Variants in TRIM14 observed in about 807,000 individuals in gnomAD.
TRIM14 encodes the protein tripartite motif containing 14, also known as tripartite motif-containing protein 14.
Under a neutral mutation model 44.5 loss-of-function variants are expected in TRIM14, and 28 were observed. That is an observed-to-expected ratio of 0.63 (90% confidence interval 0.47 to 0.86). TRIM14 has a LOEUF of 0.86. Ranked by LOEUF, TRIM14 falls within the 40% of genes least tolerant of loss-of-function variation. TRIM14 has a pLI of 0.00. For synonymous variants in TRIM14, 299 were observed against 269.2 expected, an observed-to-expected ratio of 1.11 and a Z score of -1.08; for missense variants, 607 against 611.1, an observed-to-expected ratio of 0.99 and a Z score of 0.07.
intron 2 of TRIM14, among the ~76,000 whole-genome samples, chr9:98,103,043 C>T (rs762957861): frequency 6.6e-5 from 10 of 151,852 alleles, no homozygotes; most frequent in South Asian, 2.1e-4. Context: ...AAAAATTAGC[C>T]GGGCGTGTGG....
chr9:98,106,504 G>C (rs1826616710), intron 2 of TRIM14, among the ~76,000 whole-genome samples: 3 of 152,208 alleles, frequency 2.0e-5, no homozygotes, highest in Non-Finnish European at 2.9e-5. Context: ...CAGGCATAGG[G>C]TGGCAATATC....
chr9:98,091,053 G>A (rs1825978039), intron 5 of TRIM14, among the ~76,000 whole-genome samples: 1 of 152,108 alleles, frequency 6.6e-6, no homozygotes, highest in Non-Finnish European at 1.5e-5. Flanking sequence ...TTTAGATTGA[G>A]TCTTTTTTAG....
chr9:98,098,487 G>A (rs559475327), intron 3 of TRIM14, among the ~76,000 whole-genome samples: 92 of 152,112 alleles, frequency 6.0e-4, no homozygotes, highest in African/African-American at 2.2e-3. Context: ...CGAGGGGGGC[G>A]GATCACGAGG....
chr9:98,092,766 C>T (rs944562540), intron 4 of TRIM14, among the ~76,000 whole-genome samples: 3 of 152,178 alleles, frequency 2.0e-5, no homozygotes, highest in African/African-American at 7.2e-5. Flanking sequence ...TCAAATTAGG[C>T]GAACGCCGAG....
the TRIM14 span, among the ~76,000 whole-genome samples, chr9:98,054,993 A>G: frequency 6.6e-6 from 1 of 152,220 alleles, no homozygotes; most frequent in African/African-American, 2.4e-5. Flanking sequence ...TTCCCCTAGC[A>G]TTCAGGGATC....
the TRIM14 span, among the ~76,000 whole-genome samples, chr9:98,053,950 T>C: frequency 6.6e-6 from 1 of 152,094 alleles, no homozygotes; most frequent in East Asian, 1.9e-4. Context: ...TGAAGCAAAA[T>C]ACACATAACA....
chr9:98,104,391 T>G (rs571742790), intron 2 of TRIM14, among the ~76,000 whole-genome samples: 21 of 152,050 alleles, frequency 1.4e-4, no homozygotes, highest in Non-Finnish European at 2.6e-4. Context: ...AAGTAGAAAA[T>G]ACAAAAGAAG....
At chr9:98,056,807 C>T in the TRIM14 span, 1 of 1,582,076 alleles carries the variant, frequency 6.3e-7, no homozygotes, top group Non-Finnish European at 8.6e-7. Flanking sequence ...CGAGCCGCTG[C>T]AATGCCGCTG....
At chr9:98,055,959 C>A in the TRIM14 span, among the ~76,000 whole-genome samples, 8 of 151,958 alleles carry the variant, frequency 5.3e-5, no homozygotes, top group Admixed American at 1.3e-4. Flanking sequence ...AGGCTGGTCT[C>A]GAACTCCTGA....
intron 6 of TRIM14, among the ~76,000 whole-genome samples, chr9:98,073,944 C>A (rs1829466788): frequency 6.6e-6 from 1 of 151,982 alleles, no homozygotes; most frequent in Non-Finnish European, 1.5e-5. Context: ...ACACCACACA[C>A]CCGGCTAATT....
chr9:98,064,056 T>C, the TRIM14 span, among the ~76,000 whole-genome samples: 1 of 152,210 alleles, frequency 6.6e-6, no homozygotes, highest in Non-Finnish European at 1.5e-5. Context: ...GTGTGTCGAC[T>C]GAGTTGAAAG....
intron 6 of TRIM14, chr9:98,076,981 A>G: frequency 1.2e-6 from 2 of 1,611,260 alleles, no homozygotes; most frequent in Non-Finnish European, 1.7e-6. Flanking sequence ...TGGAGACACT[A>G]ATAATTTTCC....
At chr9:98,103,730 C>T (rs998432312) in intron 2 of TRIM14, among the ~76,000 whole-genome samples, 7 of 148,538 alleles carry the variant, frequency 4.7e-5, no homozygotes, top group South Asian at 4.3e-4. Context: ...CCTGGCTACT[C>T]GGGAGGCTAA....
intron 2 of TRIM14, among the ~76,000 whole-genome samples, chr9:98,109,069 G>A (rs1826735923): frequency 6.6e-6 from 1 of 151,948 alleles, no homozygotes; most frequent in African/African-American, 2.4e-5. Context: ...TTTTAGTAGA[G>A]ATGGGAGTCT....
chr9:98,081,172 C>A, downstream of TRIM14: 3 of 1,521,974 alleles, frequency 2.0e-6, no homozygotes, highest in Non-Finnish European at 2.7e-6. Flanking sequence ...CCAGCCCTCC[C>A]TGAGCCAGGC....
the TRIM14 span, among the ~76,000 whole-genome samples, chr9:98,040,850 T>A: frequency 8.9e-4 from 136 of 152,076 alleles, 3 homozygotes; most frequent in African/African-American, 3.0e-3. Flanking sequence ...AGAGAGGGGG[T>A]TTCACCATCT....
At chr9:98,058,165 C>T in the TRIM14 span, among the ~76,000 whole-genome samples, 2 of 152,188 alleles carry the variant, frequency 1.3e-5, no homozygotes, top group South Asian at 4.2e-4. Flanking sequence ...AATCTGCCCA[C>T]CTTGGCCTCC....
chr9:98,093,209 G>A (rs774205585), intron 4 of TRIM14, among the ~76,000 whole-genome samples: 4 of 151,960 alleles, frequency 2.6e-5, no homozygotes, highest in Admixed American at 6.6e-5. Flanking sequence ...GTGACCCTAC[G>A]TCCACTCCTG....
intron 3 of TRIM14, 136 bp downstream of exon 3, chr9:98,099,795 C>A: frequency 1.4e-6 from 1 of 724,042 alleles, no homozygotes; most frequent in Non-Finnish European, 2.3e-6. Context: ...TGTGTGGGGG[C>A]AAGACAGTCT....
Sources: gnomAD v4.1 joint callset for allele counts (sites outside exome capture counted in the v4.1 genomes callset) on GRCh38, gnomAD v4.1.1 for gene constraint, MANE v1.5 for transcripts, NCBI Gene and HGNC (gene_info 2026-07-23, HGNC 2026-07-21) for gene names.